PLBD1: variants seen among roughly 807,000 people sequenced by gnomAD.
The protein encoded by PLBD1 is lysosomal leucine aminopeptidase.
Under a neutral mutation model 63.0 loss-of-function variants are expected in PLBD1, and 60 were observed. That is an observed-to-expected ratio of 0.95 (90% confidence interval 0.77 to 1.18). The LOEUF is 1.18. Among genes scored for constraint, PLBD1 ranks in the 50% most tolerant of loss-of-function variants. The pLI is 0.00. For synonymous variants in PLBD1, 262 were observed against 248.0 expected (o/e 1.06, Z -0.53); for missense variants, 598 against 677.9 (o/e 0.88, Z 1.31).
chr12:14,539,792 A>G (rs1945551027), intron 4 of PLBD1, among the ~76,000 whole-genome samples: 1 of 151,448 alleles, frequency 6.6e-6, no homozygotes, highest in Non-Finnish European at 1.5e-5. Flanking sequence ...ACTAAAAAAA[A>G]AAAAGTTAGA....
At chr12:14,520,153 C>T (rs1945364620) in intron 6 of PLBD1, among the ~76,000 whole-genome samples, 1 of 152,228 alleles carries the variant, frequency 6.6e-6, no homozygotes, top group Non-Finnish European at 1.5e-5. Flanking sequence ...CTGCAACTTA[C>T]ACTGCCAGGG....
intron 6 of PLBD1, among the ~76,000 whole-genome samples, chr12:14,523,795 C>A (rs183687551): frequency 2.4e-4 from 36 of 152,170 alleles, no homozygotes; most frequent in East Asian, 9.6e-4. Context: ...AAACTAGACC[C>A]CTTGCTGGGT....
chr12:14,528,239 TGACA>T (rs1250171921), intron 6 of PLBD1, among the ~76,000 whole-genome samples: 1 of 152,138 alleles, frequency 6.6e-6, no homozygotes, highest in African/African-American at 2.4e-5. Flanking sequence ...TTGCACTGAC[TGACA>T]TTTACAGAAC....
chr12:14,506,084 TA>T, intron 10 of PLBD1, 77 bp downstream of exon 10: 1 of 964,656 alleles, frequency 1.0e-6, no homozygotes, highest in Non-Finnish European at 1.5e-6. Context: ...CTTCCTGCCA[TA>T]AAAACCTGTG....
chr12:14,511,642 CTGTT>C lies in PLBD1; in HGVS notation c.910_913del (p.Asn304ValfsTer8), dbSNP rs768194907. The C allele has an allele frequency of 6.8e-6, 11 of 1,614,188 alleles. No individual in the cohort carries two copies. The highest frequency in any genetic ancestry group is 1.7e-5 in the Admixed American group (1 of 60,024). ...CTTTAGCAGGGTTTTATTAAACACA[CTGTT>C]TGTGGTCTGCAGCAATATCAATCCA... On this transcript the variant is annotated frameshift_variant, in exon 7 of 11. Transcript: ENST00000240617. LOFTEE classifies it high-confidence loss of function.
intron 2 of PLBD1, among the ~76,000 whole-genome samples, chr12:14,546,139 T>C (rs1044685709): frequency 1.3e-5 from 2 of 152,024 alleles, no homozygotes; most frequent in African/African-American, 4.8e-5. Context: ...CTTGGCAACA[T>C]GGCAAAACCC....
chr12:14,551,716 T>C (rs1945661016), intron 2 of PLBD1, among the ~76,000 whole-genome samples: 1 of 152,076 alleles, frequency 6.6e-6, no homozygotes, highest in South Asian at 2.1e-4. Context: ...CAGTTTCCAT[T>C]AATAACCCAC....
chr12:14,536,322 A>G lies in PLBD1; in HGVS notation c.699+248T>C, dbSNP rs144101757. Among the ~76,000 whole-genome samples the G allele has an allele frequency of 7.4e-4, 112 of 152,238 alleles. 1 individual carries two copies. Among genetic ancestry groups the G allele is most frequent in the African/African-American group, 2.5e-3 (104 of 41,560 alleles). ...TCAAAAACAAAACAAAACAAAATGG[A>G]AGATTCTAGAAGGTGGGAGTGGCAG... On this transcript the variant is annotated intron_variant, in intron 5 of 10. Coordinates refer to ENST00000240617, the MANE Select transcript of PLBD1 (RefSeq NM_024829.6).
At chr12:14,526,889 T>C (rs1945419362) in intron 6 of PLBD1, among the ~76,000 whole-genome samples, 1 of 152,104 alleles carries the variant, frequency 6.6e-6, no homozygotes, top group African/African-American at 2.4e-5. Flanking sequence ...GGAGAATCAC[T>C]TGAACCCGGG....
intron 2 of PLBD1, among the ~76,000 whole-genome samples, chr12:14,552,147 A>G (rs1461746685): frequency 6.6e-6 from 1 of 152,200 alleles, no homozygotes; most frequent in South Asian, 2.1e-4. Flanking sequence ...TAACAGCCCA[A>G]GTAAAGTTTG....
At chr12:14,540,935 C>G in intron 3 of PLBD1, 33 bp from the exon 4 acceptor site, 1 of 1,553,932 alleles carries the variant, frequency 6.4e-7, no homozygotes, top group Non-Finnish European at 8.8e-7. Context: ...ACCACAGTCT[C>G]AATAGTTGCT....
chr12:14,566,462 A>T (rs1369999856), intron 1 of PLBD1, among the ~76,000 whole-genome samples: 5 of 152,186 alleles, frequency 3.3e-5, no homozygotes, highest in Admixed American at 2.0e-4. Context: ...GGGATTATGA[A>T]ATAAGACAAA....
rs138278383 is a variant in PLBD1, at chr12:14,520,772, C to A, written c.845-9061G>T. On this transcript the variant is annotated intron_variant, in intron 6 of 10. Coordinates refer to ENST00000240617, the MANE Select transcript of PLBD1 (RefSeq NM_024829.6). ...GGAGGCAGTCTCCCTACGGAGAAAA[C>A]GTGAGCAGGAGAACTCCCAGCAATC... Among the ~76,000 whole-genome samples the A allele has an allele frequency of 1.5e-3, 236 of 152,282 alleles. 2 individuals are homozygous for A. In the South Asian group the frequency reaches 0.021, roughly 13 times the overall value.
chr12:14,507,524 G>A (rs1945265380), intron 8 of PLBD1, among the ~76,000 whole-genome samples: 1 of 152,212 alleles, frequency 6.6e-6, no homozygotes, highest in South Asian at 2.1e-4. Context: ...GCCCTATAAA[G>A]GAAGATGTCA....
At chr12:14,510,594 C>G (rs1945290546) in intron 8 of PLBD1, among the ~76,000 whole-genome samples, 2 of 152,114 alleles carry the variant, frequency 1.3e-5, no homozygotes, top group South Asian at 2.1e-4. Context: ...GGTTGTGGAC[C>G]TATATCACGA....
In PLBD1 at chr12:14,511,379, A is replaced by ATTGTTTGTT. The variant is rs1945297112; in HGVS notation, c.1066_1067insAACAAACAA (p.Tyr355_Met356insLysGlnThr). Reference sequence around the variant, plus strand: ...CTTTACTTTCTTCAGGTCCAGAACCATGTATTGATTGTTATAGGTGCCTGA... The same window carrying ATTGTTTGTT: ...CTTTACTTTCTTCAGGTCCAGAACCATTGTTTGTTTGTATTGATTGTTATAGGTGCCTGA... On this transcript the variant is annotated inframe_insertion, in exon 8 of 11. Transcript: ENST00000240617. 1 of 1,613,664 alleles carries ATTGTTTGTT rather than the reference A, an allele frequency of 6.2e-7. No homozygotes were observed. The highest frequency in any genetic ancestry group is 1.3e-5 in the African/African-American group (1 of 74,928).
rs570886784 is a variant in PLBD1, at chr12:14,512,099, CT to C, written c.845-389del. Among the ~76,000 whole-genome samples, 659 of 151,310 alleles carry C rather than the reference CT, an allele frequency of 4.4e-3. 2 individuals carry two copies. The highest frequency in any genetic ancestry group is 0.015 in the African/African-American group (614 of 41,282). ...GGTTCATTAGTAAGAATATAAATGC[CT>C]TTTTTTCTTCTTTTCTACTTTCCTG... On this transcript the variant is annotated intron_variant, in intron 6 of 10. Transcript: ENST00000240617.
intron 2 of PLBD1, among the ~76,000 whole-genome samples, chr12:14,552,737 C>A (rs1050274563): frequency 1.3e-5 from 2 of 151,992 alleles, no homozygotes; most frequent in African/African-American, 4.8e-5. Context: ...CCTGTCTTTG[C>A]AAAAATATAT....
At chr12:14,566,721 C>T (rs1162035137) in intron 1 of PLBD1, among the ~76,000 whole-genome samples, 1 of 150,778 alleles carries the variant, frequency 6.6e-6, no homozygotes, top group Non-Finnish European at 1.5e-5. Flanking sequence ...TATCTTTATG[C>T]GAATTACTTC....
Sources: gnomAD v4.1 joint callset for allele counts (sites outside exome capture counted in the v4.1 genomes callset) on GRCh38, gnomAD v4.1.1 for gene constraint, MANE v1.5 for transcripts, NCBI Gene and HGNC (gene_info 2026-07-23, HGNC 2026-07-21) for gene names.